The following RAB2A variants were observed in gnomAD, a reference collection of about 807,000 sequenced individuals.
RAB2A encodes the protein RAB2A, member RAS oncogene family.
RAB2A carries 7 observed loss-of-function variants against 32.5 expected under a neutral mutation model. The ratio of observed to expected loss-of-function variants is 0.22; its 90% CI spans 0.12 to 0.40. The LOEUF (loss-of-function observed/expected upper bound fraction) is 0.40, where lower values mean the gene tolerates loss of function less well. Ranked by LOEUF, RAB2A falls within the 10% of genes least tolerant of loss-of-function variation. RAB2A has a pLI of 1.00. For missense variants in RAB2A, 108 were observed against 260.7 expected (o/e 0.41, Z 4.03); for synonymous variants, 79 against 85.2 (o/e 0.93, Z 0.40).
At chr8:60,597,438 T>C (rs1804047015) in intron 6 of RAB2A, among the ~76,000 whole-genome samples, 3 of 152,030 alleles carry the variant, frequency 2.0e-5, no homozygotes, top group African/African-American at 7.3e-5. Context: ...CACCAGGGCC[T>C]GTTGGGGGGT....
chr8:60,529,118 T>C (rs981247349), intron 1 of RAB2A, among the ~76,000 whole-genome samples: 2 of 152,190 alleles, frequency 1.3e-5, no homozygotes, highest in East Asian at 1.9e-4. Context: ...TTTCTTCTTT[T>C]TTAAAAAATC....
At chr8:60,517,285 C>G (rs1197332728) in intron 1 of RAB2A, 32 bp downstream of exon 1, 2 of 1,472,414 alleles carry the variant, frequency 1.4e-6, no homozygotes, top group African/African-American at 2.9e-5. Context: ...GGGCGGGTGT[C>G]GGCGGCCTCC....
intron 1 of RAB2A, among the ~76,000 whole-genome samples, chr8:60,555,582 A>G (rs1807925453): frequency 1.3e-5 from 2 of 152,192 alleles, no homozygotes; most frequent in South Asian, 4.1e-4. Flanking sequence ...AGATACACAA[A>G]TGGCCATCAA....
chr8:60,562,375 G>A (rs1563470638), intron 2 of RAB2A, among the ~76,000 whole-genome samples: 1 of 152,154 alleles, frequency 6.6e-6, no homozygotes, highest in Non-Finnish European at 1.5e-5. Context: ...ATGAATGTAG[G>A]AAGTCCCATC....
intron 1 of RAB2A, among the ~76,000 whole-genome samples, chr8:60,521,063 A>T (rs181961018): frequency 6.6e-6 from 1 of 152,248 alleles, no homozygotes; most frequent in African/African-American, 2.4e-5. Context: ...CCATCCTCCC[A>T]CTTCAGCCTC....
intron 1 of RAB2A, among the ~76,000 whole-genome samples, chr8:60,547,851 C>G (rs1807766654): frequency 7.8e-6 from 1 of 127,522 alleles, no homozygotes; most frequent in Non-Finnish European, 1.7e-5. Context: ...CACCTCCCTC[C>G]TGGACGGGGC....
At chr8:60,569,864 AG>A (rs1274612524) in intron 2 of RAB2A, 1 of 412,590 alleles carries the variant, frequency 2.4e-6, no homozygotes, top group Non-Finnish European at 4.9e-6. Flanking sequence ...ACCCAATTCT[AG>A]CTAAGGTAAG....
chr8:60,611,781 T>C (rs901136471), intron 6 of RAB2A, among the ~76,000 whole-genome samples: 93 of 152,352 alleles, frequency 6.1e-4, no homozygotes, highest in African/African-American at 2.1e-3. Flanking sequence ...TTTTTCTTTA[T>C]GAGCTAAGTT....
intron 5 of RAB2A, among the ~76,000 whole-genome samples, chr8:60,586,018 G>A (rs1362247479): frequency 6.6e-6 from 1 of 152,170 alleles, no homozygotes; most frequent in African/African-American, 2.4e-5. Context: ...GAACAGCCTA[G>A]GGCCAGGTAC....
chr8:60,599,891 A>G (rs555235378), intron 6 of RAB2A, among the ~76,000 whole-genome samples: 1 of 152,290 alleles, frequency 6.6e-6, no homozygotes, highest in African/African-American at 2.4e-5. Context: ...TGATTCATAA[A>G]AGGAAAAAGT....
chr8:60,605,238 T>G (rs1027760104), intron 6 of RAB2A, among the ~76,000 whole-genome samples: 10 of 152,022 alleles, frequency 6.6e-5, no homozygotes, highest in Non-Finnish European at 1.2e-4. Flanking sequence ...GTGCACAGAG[T>G]CCAAGAGTTG....
chr8:60,524,803 G>A (rs1465957083), intron 1 of RAB2A, among the ~76,000 whole-genome samples: 2 of 152,162 alleles, frequency 1.3e-5, no homozygotes, highest in African/African-American at 2.4e-5. Flanking sequence ...TAAGCCATGG[G>A]CCTTTTTTGC....
intron 1 of RAB2A, among the ~76,000 whole-genome samples, chr8:60,556,254 G>A (rs1807936655): frequency 6.6e-6 from 1 of 152,066 alleles, no homozygotes; most frequent in African/African-American, 2.4e-5. Context: ...TGGGTAATAG[G>A]TACAAAATTA....
intron 3 of RAB2A, among the ~76,000 whole-genome samples, chr8:60,573,935 A>T (rs773372634): frequency 1.3e-5 from 2 of 152,210 alleles, no homozygotes; most frequent in Non-Finnish European, 2.9e-5. Context: ...GGCGTGCACC[A>T]CCACACCCGG....
intron 3 of RAB2A, among the ~76,000 whole-genome samples, chr8:60,574,903 C>T (rs11991778): frequency 0.082 from 12,456 of 152,014 alleles, 1,550 homozygotes; most frequent in African/African-American, 0.27. Flanking sequence ...GATGGTGGTC[C>T]GTTTAAAGAC....
intron 6 of RAB2A, among the ~76,000 whole-genome samples, chr8:60,594,788 C>G (rs1221788687): frequency 6.6e-6 from 1 of 152,176 alleles, no homozygotes; most frequent in Non-Finnish European, 1.5e-5. Context: ...CAGCTTCATC[C>G]ATGTCTCTGC....
chr8:60,579,257 G>A (rs1009853906), intron 3 of RAB2A, among the ~76,000 whole-genome samples: 3 of 152,124 alleles, frequency 2.0e-5, no homozygotes, highest in African/African-American at 7.2e-5. Flanking sequence ...TGGCCAGGCT[G>A]GTCTGGAACT....
At chr8:60,522,874 TCAG>T (rs1268967324) in intron 1 of RAB2A, among the ~76,000 whole-genome samples, 1 of 152,074 alleles carries the variant, frequency 6.6e-6, no homozygotes, top group Non-Finnish European at 1.5e-5. Context: ...AAAAAAATAT[TCAG>T]CAGCCCAACC....
chr8:60,622,227 T>A lies in RAB2A; in HGVS notation c.*1458T>A, dbSNP rs1804539256. 6.6e-6 allele frequency: 1 copy of A among 152,228 alleles called. No homozygotes were observed. The highest frequency in any genetic ancestry group is 1.5e-5 in the Non-Finnish European group (1 of 68,036). The allele number at this position is 152,228 out of a possible 1,614,324, so 9.4% of individuals were successfully genotyped here. A position where few individuals can be genotyped will look rare whatever the true frequency, so the allele number is the denominator to read the frequency against. On this transcript the variant is annotated 3_prime_UTR_variant, in exon 8 of 8. Transcript: ENST00000262646. ...TTCTCCTGAACTAGCACAAAAGCAC[T>A]TATGCCTGAAAGAAAGCATAAAGAA...
Sources: gnomAD v4.1 joint callset for allele counts (sites outside exome capture counted in the v4.1 genomes callset) on GRCh38, gnomAD v4.1.1 for gene constraint, MANE v1.5 for transcripts, NCBI Gene and HGNC (gene_info 2026-07-23, HGNC 2026-07-21) for gene names.